PTH2R: variants seen among roughly 807,000 people sequenced by gnomAD.
The protein encoded by PTH2R is PTH2 receptor.
A neutral mutation model predicts 60.3 loss-of-function variants in PTH2R; 59 were observed. That is an observed-to-expected ratio of 0.98 (90% CI 0.79 to 1.22). PTH2R has a LOEUF of 1.22. Ranked by LOEUF, PTH2R falls within the 50% of genes most tolerant of loss-of-function variation. The pLI, the probability that PTH2R is intolerant of heterozygous loss-of-function variation, is 0.00. For synonymous variants in PTH2R, 256 were observed against 243.8 expected (o/e 1.05, Z -0.47); for missense variants, 749 against 682.6 (o/e 1.10, Z -1.08).
intron 1 of PTH2R, among the ~76,000 whole-genome samples, chr2:208,362,788 C>G (rs758284342): frequency 3.9e-5 from 6 of 151,998 alleles, no homozygotes; most frequent in African/African-American, 1.5e-4. Flanking sequence ...ATAATCTCAC[C>G]AAGAGTGCAC....
intron 1 of PTH2R, among the ~76,000 whole-genome samples, chr2:208,369,986 G>A (rs1430568088): frequency 1.3e-5 from 2 of 152,048 alleles, no homozygotes; most frequent in Non-Finnish European, 2.9e-5. Context: ...TACAGACTGG[G>A]AAGCCTGCCA....
chr2:208,484,773 G>C (rs1188400165), intron 10 of PTH2R, among the ~76,000 whole-genome samples: 1 of 152,070 alleles, frequency 6.6e-6, no homozygotes, highest in Non-Finnish European at 1.5e-5. Flanking sequence ...AGGTTTTAAG[G>C]CCGCATCCAT....
At chr2:208,383,030 T>G (rs926944153) in intron 1 of PTH2R, among the ~76,000 whole-genome samples, 3 of 152,230 alleles carry the variant, frequency 2.0e-5, no homozygotes, top group African/African-American at 7.2e-5. Flanking sequence ...ACTAATCAGT[T>G]CACTTTTTCT....
chr2:208,401,714 A>G (rs1375013799), intron 1 of PTH2R, among the ~76,000 whole-genome samples: 1 of 152,024 alleles, frequency 6.6e-6, no homozygotes, highest in Non-Finnish European at 1.5e-5. Context: ...CCATTGGGTC[A>G]CACACAGCCC....
chr2:208,469,171 G>A (rs1442504241), intron 9 of PTH2R, among the ~76,000 whole-genome samples: 1 of 152,086 alleles, frequency 6.6e-6, no homozygotes, highest in Non-Finnish European at 1.5e-5. Context: ...TTGAATTTAT[G>A]GGAAAAATCT....
chr2:208,449,167 G>A (rs1465458662), intron 7 of PTH2R, among the ~76,000 whole-genome samples: 1 of 152,172 alleles, frequency 6.6e-6, no homozygotes, highest in African/African-American at 2.4e-5. Context: ...AGGCCATGTG[G>A]TAGAATCTAT....
intron 10 of PTH2R, among the ~76,000 whole-genome samples, chr2:208,488,703 C>T (rs1448376202): frequency 6.6e-6 from 1 of 152,032 alleles, no homozygotes; most frequent in Non-Finnish European, 1.5e-5. Context: ...TGGCGAGACC[C>T]CGTCTCTACA....
chr2:208,449,163 T>C (rs1702348352), intron 7 of PTH2R, among the ~76,000 whole-genome samples: 1 of 152,184 alleles, frequency 6.6e-6, no homozygotes, highest in Non-Finnish European at 1.5e-5. Context: ...TGTCAGGCCA[T>C]GTGGTAGAAT....
chr2:208,374,176 G>A (rs1336601090), intron 1 of PTH2R, among the ~76,000 whole-genome samples: 1 of 151,710 alleles, frequency 6.6e-6, no homozygotes, highest in Non-Finnish European at 1.5e-5. Context: ...AAATTTAGAA[G>A]ACAGACAAGT....
intron 9 of PTH2R, among the ~76,000 whole-genome samples, chr2:208,473,611 C>T (rs1026989719): frequency 6.6e-6 from 1 of 152,192 alleles, no homozygotes; most frequent in Admixed American, 6.5e-5. Context: ...TTGCATTTTA[C>T]TTACTAGCTC....
At chr2:208,437,496 T>A (rs529161890) in intron 2 of PTH2R, 41 bp from the exon 3 acceptor site, 1 of 1,526,940 alleles carries the variant, frequency 6.5e-7, no homozygotes, top group Non-Finnish European at 8.9e-7. Context: ...TCTAACTACA[T>A]TTTTCTTTGT....
intron 9 of PTH2R, among the ~76,000 whole-genome samples, chr2:208,468,523 A>C (rs905975116): frequency 6.6e-6 from 1 of 152,188 alleles, no homozygotes; most frequent in African/African-American, 2.4e-5. Context: ...GTGCCTCTTT[A>C]CATGCCACAC....
chr2:208,382,915 C>T (rs1700942047), intron 1 of PTH2R, among the ~76,000 whole-genome samples: 1 of 152,238 alleles, frequency 6.6e-6, no homozygotes. Context: ...GCATTGATCC[C>T]ACTCCAAGTT....
chr2:208,369,766 T>C (rs1700659141), intron 1 of PTH2R, among the ~76,000 whole-genome samples: 1 of 152,106 alleles, frequency 6.6e-6, no homozygotes. Context: ...TATCCCACTT[T>C]GAATGCTAGC....
At chr2:208,421,074 T>C (rs1477207875) in intron 1 of PTH2R, among the ~76,000 whole-genome samples, 1 of 152,232 alleles carries the variant, frequency 6.6e-6, no homozygotes, top group African/African-American at 2.4e-5. Flanking sequence ...AATTCACATG[T>C]AGTTAATTAA....
At chr2:208,457,917 A>G (rs2105885821) in intron 8 of PTH2R, among the ~76,000 whole-genome samples, 1 of 152,324 alleles carries the variant, frequency 6.6e-6, no homozygotes, top group East Asian at 1.9e-4. Context: ...AGTTCGTGAT[A>G]AGTTCATTAT....
intron 9 of PTH2R, among the ~76,000 whole-genome samples, chr2:208,475,247 G>A (rs1031997187): frequency 1.3e-5 from 2 of 152,108 alleles, no homozygotes; most frequent in Admixed American, 1.3e-4. Flanking sequence ...GTCATAAAAT[G>A]TAAATGTATA....
intron 1 of PTH2R, among the ~76,000 whole-genome samples, chr2:208,384,150 T>C (rs957838553): frequency 6.6e-6 from 1 of 152,178 alleles, no homozygotes; most frequent in African/African-American, 2.4e-5. Flanking sequence ...ACAAGTGCAA[T>C]AGCAGTTTAG....
intron 1 of PTH2R, among the ~76,000 whole-genome samples, chr2:208,410,603 A>G (rs1283600685): frequency 1.3e-5 from 2 of 152,242 alleles, no homozygotes; most frequent in African/African-American, 2.4e-5. Context: ...ATAAAAAGCA[A>G]TGGCTTAAAT....
Sources: allele counts gnomAD v4.1 joint callset (sites outside exome capture counted in the v4.1 genomes callset), GRCh38; gene constraint gnomAD v4.1.1; transcripts MANE v1.5; gene names NCBI Gene and HGNC (gene_info 2026-07-23, HGNC 2026-07-21).